FBN3: variants seen among roughly 807,000 people sequenced by gnomAD.
FBN3 encodes fibrillin 3.
FBN3 carries 234 observed loss-of-function variants against 330.1 expected under a neutral mutation model. The observed-to-expected ratio is 0.71, with a 90% CI of 0.64 to 0.79. The LOEUF (loss-of-function observed/expected upper bound fraction) is 0.79, where lower values mean the gene tolerates loss of function less well. FBN3 is among the 30% of genes least tolerant of loss of function. The probability of loss-of-function intolerance (pLI) is 0.00; values close to 1 mark genes in which losing one functional copy is unlikely to be tolerated. For synonymous variants in FBN3, 1,458 were observed against 1,517.3 expected (o/e 0.96, Z 0.91); for missense variants, 3,606 against 3,886.9 (o/e 0.93, Z 1.92).
chr19:8,094,364 C>A, intron 47 of FBN3, 82 bp downstream of exon 47: 2 of 1,467,802 alleles, frequency 1.4e-6, no homozygotes, highest in South Asian at 1.3e-5. Context: ...TCATCACAAC[C>A]CTAGCTGGTA....
At chr19:8,104,925 CTCTT>C (rs1486124962) in intron 38 of FBN3, among the ~76,000 whole-genome samples, 3 of 115,494 alleles carry the variant, frequency 2.6e-5, no homozygotes, top group African/African-American at 7.3e-5. Flanking sequence ...TTTCTTTCTT[CTCTT>C]TCTTTCTCTC....
chr19:8,096,471 C>T lies in FBN3; in HGVS notation c.5512G>A (p.Ala1838Thr). 6 of 1,613,984 alleles carry T rather than the reference C, an allele frequency of 3.7e-6. No homozygotes were observed. The highest frequency in any genetic ancestry group is 5.1e-6 in the Non-Finnish European group (6 of 1,179,952). ...YMCLCHRGFQ[A>T]SADQTLCMDI... The stretch of plus-strand genomic sequence containing the variant: ...ATGCACAGGGTCTGGTCTGCAGAGG[C>T]CTGGAATCCACGGTGACACAGACAC... Residue 1838 changes from alanine (A) to threonine (T), a missense_variant, in exon 44 of 64, where the codon GCC (alanine) becomes ACC (threonine). Ala to Thr is a moderately conservative substitution (Grantham distance 58, BLOSUM62 0). Transcript: ENST00000600128. This position sits in a 1 kb window ranked among gnomAD's most constrained non-coding sequence, Gnocchi z 4.6.
chr19:8,108,182 C>G lies in FBN3; in HGVS notation c.4675G>C (p.Val1559Leu). The stretch of plus-strand genomic sequence containing the variant: ...GCCAGGAACTCACCTTCCAGAATGA[C>G]AGTGATGCGGTTAGGCTGGAAGCCC... ...GEGFQPNRIT[V>L]ILEDIDECQE... The change falls in exon 37 of 64, where the codon GTC becomes CTC. Residue 1559 changes from valine (V) to leucine (L), a missense_variant. Val to Leu is a conservative substitution (Grantham distance 32). Coordinates refer to ENST00000600128, the MANE Select transcript of FBN3 (RefSeq NM_032447.5). 1 of 1,612,396 alleles carries G rather than the reference C, an allele frequency of 6.2e-7. No individual in the cohort carries two copies. Among genetic ancestry groups the G allele is most frequent in the Non-Finnish European group, 8.5e-7 (1 of 1,179,434 alleles).
rs376132417 is a variant in FBN3 at position 8,136,496 on chromosome 19, G to A, written c.1237C>T (p.Arg413Ter). Residue 413 changes from arginine (R) to a stop codon, truncating the protein, a stop_gained, in exon 11 of 64, where the codon CGA (arginine) becomes TGA (stop). Transcript: ENST00000600128. LOFTEE classifies it high-confidence loss of function. ...TTCAGACACAGGTTGGTGAAGTGTC[G>A]GCAGATGTCAATGGTCTGGTTCAGG... ...ATLNQTIDICRHFTNLCLNGR... is the reference protein window; with the variant it reads ...ATLNQTIDIC The A allele has an allele frequency of 3.2e-5, 51 of 1,614,020 alleles. 1 individual carries two copies. Among genetic ancestry groups the A allele is most frequent in the South Asian group, 2.1e-4 (19 of 91,088 alleles).
chr19:8,073,820 C>T (rs575042973), intron 61 of FBN3, among the ~76,000 whole-genome samples: 1 of 152,304 alleles, frequency 6.6e-6, no homozygotes, highest in African/African-American at 2.4e-5. Context: ...GCTGGGACTA[C>T]AGGTGTGCAC....
intron 32 of FBN3, 128 bp downstream of exon 32, chr19:8,111,520 C>A: frequency 9.1e-7 from 1 of 1,102,652 alleles, no homozygotes; most frequent in South Asian, 1.5e-5. Context: ...CACAGCCTCT[C>A]CAGCACCCAC....
chr19:8,093,134 T>C (rs2082133512), intron 47 of FBN3, among the ~76,000 whole-genome samples: 1 of 151,970 alleles, frequency 6.6e-6, no homozygotes, highest in Non-Finnish European at 1.5e-5. Context: ...TGAGACTGGA[T>C]ATATTTACCC....
intron 54 of FBN3, among the ~76,000 whole-genome samples, chr19:8,086,639 T>G (rs1208616044): frequency 9.0e-5 from 12 of 133,736 alleles, no homozygotes; most frequent in Non-Finnish European, 1.6e-4. Flanking sequence ...TTTTTTTTTT[T>G]GTATTTTTAG....
chr19:8,079,943 A>G (rs1422984652), intron 59 of FBN3, among the ~76,000 whole-genome samples: 1 of 152,164 alleles, frequency 6.6e-6, no homozygotes. Context: ...ATTCTGTGCT[A>G]GAAGGAAAGT....
At chr19:8,086,649 G>C (rs1295109422) in intron 54 of FBN3, among the ~76,000 whole-genome samples, 1 of 141,458 alleles carries the variant, frequency 7.1e-6, no homozygotes, top group East Asian at 2.1e-4. Context: ...TGTATTTTTA[G>C]TAGAGACGGG....
intron 1 of FBN3, chr19:8,147,718 C>A: frequency 2.5e-6 from 1 of 402,192 alleles, no homozygotes; most frequent in Non-Finnish European, 4.4e-6. Flanking sequence ...TGAGGGTGCA[C>A]AGCCAAGGCA....
intron 24 of FBN3, among the ~76,000 whole-genome samples, chr19:8,123,244 C>T (rs900867797): frequency 2.6e-5 from 4 of 151,996 alleles, no homozygotes; most frequent in African/African-American, 7.2e-5. Flanking sequence ...ATCCCAGCTA[C>T]TTAGGAGGCT....
intron 13 of FBN3, among the ~76,000 whole-genome samples, chr19:8,134,790 C>T (rs1039301330): frequency 6.6e-6 from 1 of 151,528 alleles, no homozygotes; most frequent in Non-Finnish European, 1.5e-5. Flanking sequence ...AAACGTTAGC[C>T]GGGCACAGTG....
intron 6 of FBN3, among the ~76,000 whole-genome samples, chr19:8,143,595 C>T (rs2145051827): frequency 7.1e-6 from 1 of 141,336 alleles, no homozygotes; most frequent in Admixed American, 7.7e-5. Flanking sequence ...TCAAAAAATT[C>T]TCATGCCTCA....
intron 25 of FBN3, among the ~76,000 whole-genome samples, chr19:8,119,740 C>T (rs1178809544): frequency 6.6e-6 from 1 of 151,374 alleles, no homozygotes; most frequent in Admixed American, 6.6e-5. Flanking sequence ...TCTCAAAATC[C>T]TGACCTCAAG....
intron 30 of FBN3, 61 bp downstream of exon 30, chr19:8,115,454 C>T (rs1344731217): frequency 5.7e-6 from 9 of 1,587,156 alleles, no homozygotes; most frequent in Admixed American, 1.7e-5. Context: ...AAACAGACCC[C>T]ATGATTCCCA....
intron 56 of FBN3, 45 bp from the exon 57 acceptor site, chr19:8,083,417 G>A (rs17202517): frequency 0.21 from 341,643 of 1,603,190 alleles, 39,622 homozygotes; most frequent in Non-Finnish European, 0.24. Context: ...GCTGCTTCGC[G>A]CCTCCACCGA....
chr19:8,070,479 G>T (rs1449210462), intron 63 of FBN3, among the ~76,000 whole-genome samples: 4 of 152,156 alleles, frequency 2.6e-5, no homozygotes, highest in Admixed American at 6.6e-5. Context: ...CTAAATGTCT[G>T]CAGTGGGGGT....
chr19:8,108,356 G>A (rs1430151683), intron 36 of FBN3, 118 bp from the exon 37 acceptor site: 1 of 741,204 alleles, frequency 1.3e-6, no homozygotes, highest in Non-Finnish European at 2.2e-6. Context: ...TCCTTCTACT[G>A]TACTAACGAC....
Sources: gnomAD v4.1 joint callset for allele counts (sites outside exome capture counted in the v4.1 genomes callset) on GRCh38, gnomAD v4.1.1 for gene constraint, Gnocchi (gnomAD v3.1) non-coding constraint, MANE v1.5 for transcripts, NCBI Gene and HGNC (gene_info 2026-07-23, HGNC 2026-07-21) for gene names.